TTBK2: variants seen among roughly 807,000 people sequenced by gnomAD.
TTBK2 encodes the protein tau tubulin kinase 2.
Under a neutral mutation model 110.8 loss-of-function variants are expected in TTBK2, and 28 were observed. The observed-to-expected ratio is 0.25, with a 90% confidence interval of 0.19 to 0.35. The LOEUF is 0.35. Among genes scored for constraint, TTBK2 ranks in the 10% least tolerant of loss-of-function variants. The pLI, the probability that TTBK2 is intolerant of heterozygous loss-of-function variation, is 1.00. For synonymous variants in TTBK2, 532 were observed against 527.3 expected (o/e 1.01, Z -0.12); for missense variants, 1,369 against 1,500.3 (o/e 0.91, Z 1.45).
At chr15:42,857,798 T>C (rs1216114111) in intron 3 of TTBK2, among the ~76,000 whole-genome samples, 3 of 151,994 alleles carry the variant, frequency 2.0e-5, no homozygotes, top group Non-Finnish European at 4.4e-5. Flanking sequence ...TACAAGTTAA[T>C]GGGGCCAGGC....
intron 1 of TTBK2, among the ~76,000 whole-genome samples, chr15:42,903,191 T>A (rs1277500402): frequency 6.6e-6 from 1 of 152,186 alleles, no homozygotes; most frequent in Non-Finnish European, 1.5e-5. Context: ...ATGAATATTA[T>A]ATGATTCCAC....
At chr15:42,785,411 G>A (rs1004948203) in intron 10 of TTBK2, among the ~76,000 whole-genome samples, 12 of 152,060 alleles carry the variant, frequency 7.9e-5, no homozygotes, top group African/African-American at 2.2e-4. Flanking sequence ...GTGAGCCATC[G>A]TGCCCGGCCA....
chr15:42,796,240 C>A (rs1890935109), intron 9 of TTBK2, among the ~76,000 whole-genome samples: 1 of 152,082 alleles, frequency 6.6e-6, no homozygotes, highest in South Asian at 2.1e-4. Flanking sequence ...TCTATCTCTA[C>A]TAAAAATACA....
At chr15:42,799,894 C>G (rs1417587550) in intron 9 of TTBK2, among the ~76,000 whole-genome samples, 4 of 151,972 alleles carry the variant, frequency 2.6e-5, no homozygotes, top group African/African-American at 9.7e-5. Flanking sequence ...TAATAAAAGT[C>G]AATTACAGCC....
intron 9 of TTBK2, among the ~76,000 whole-genome samples, chr15:42,795,287 T>G (rs530618429): frequency 1.3e-3 from 196 of 152,148 alleles, no homozygotes; most frequent in African/African-American, 4.6e-3. Context: ...TTTAAAAAAT[T>G]CTTAAAATAT....
rs1567008568 is a variant in TTBK2 at position 42,763,131 on chromosome 15, C to CACAT, written c.1999-9885_1999-9884insATGT. 2.2e-3 allele frequency among the ~76,000 whole-genome samples: 133 copies of CACAT among 59,798 alleles called. 3 individuals are homozygous for CACAT. Among genetic ancestry groups the CACAT allele is most frequent in the African/African-American group, 0.011 (128 of 11,774 alleles). The allele number at this position is 59,798 out of a possible 152,430, so 39.2% of individuals were successfully genotyped here. A position where few individuals can be genotyped will look rare whatever the true frequency, so the allele number is the denominator to read the frequency against. On this transcript the variant is annotated intron_variant, in intron 13 of 14. Transcript: ENST00000267890. ...ATATATATATATACACATATATATA[C>CACAT]ATATATACATACATATATATATATA...
chr15:42,766,763 C>T (rs1889401393), intron 13 of TTBK2, among the ~76,000 whole-genome samples: 1 of 152,162 alleles, frequency 6.6e-6, no homozygotes, highest in Admixed American at 6.5e-5. Context: ...GACTTGAACT[C>T]AGCTCTGCAC....
In TTBK2 at chr15:42,752,788, T is replaced by C. The variant is rs2061885963; in HGVS notation, c.2458A>G (p.Thr820Ala). 3 of 1,614,206 alleles carry C rather than the reference T, an allele frequency of 1.9e-6. No individual in the cohort carries two copies. Among genetic ancestry groups the C allele is most frequent in the Non-Finnish European group, 2.5e-6 (3 of 1,180,036 alleles). Residue 820 changes from threonine to alanine, a missense_variant, in exon 14 of 15, where the codon ACT (threonine) becomes GCT (alanine). Transcript: ENST00000267890. ...GTTTTTGTCACATCAAGAGGTTCAG[T>C]AGTAGCTGAGTGATCCTTTTCCACA... is the stretch of plus-strand genomic sequence containing the variant. Reference protein sequence around the residue: ...VIVEKDHSATTEPLDVTKTQT... With the variant: ...VIVEKDHSATAEPLDVTKTQT...
At chr15:42,802,976 C>T (rs1354235471) in intron 9 of TTBK2, among the ~76,000 whole-genome samples, 2 of 152,214 alleles carry the variant, frequency 1.3e-5, no homozygotes, top group African/African-American at 2.4e-5. Flanking sequence ...TGCTTCCTGT[C>T]CTCCAACATC....
intron 13 of TTBK2, among the ~76,000 whole-genome samples, chr15:42,758,952 C>G (rs2061984646): frequency 6.6e-6 from 1 of 152,188 alleles, no homozygotes; most frequent in African/African-American, 2.4e-5. Context: ...GCATTCCCAC[C>G]CACCCATGAG....
intron 9 of TTBK2, chr15:42,802,268 G>A (rs767167697): frequency 3.5e-5 from 28 of 799,382 alleles, no homozygotes; most frequent in South Asian, 2.5e-4. Context: ...AGGCCACCCC[G>A]GAAGCTGCTG....
At chr15:42,881,132 A>C (rs1895024012) in intron 1 of TTBK2, among the ~76,000 whole-genome samples, 1 of 151,738 alleles carries the variant, frequency 6.6e-6, no homozygotes, top group Non-Finnish European at 1.5e-5. Flanking sequence ...AAATACAAAA[A>C]TTAGGCAAGG....
chr15:42,916,909 T>C (rs144118873), intron 1 of TTBK2, among the ~76,000 whole-genome samples: 1 of 152,074 alleles, frequency 6.6e-6, no homozygotes, highest in East Asian at 1.9e-4. Flanking sequence ...TAAAAACATA[T>C]ATAATGGCAA....
Position 42,752,754 on chromosome 15 carries a change from A to G in TTBK2, c.2492T>C (p.Phe831Ser), listed in dbSNP as rs2061885164. ...TTTGTCTTGATTTGGCACCACACTA[A>G]AAGTCTGTGTTTTTGTCACATCAAG... is the stretch of plus-strand genomic sequence containing the variant. ...EPLDVTKTQT[F>S]SVVPNQDKNN... The change falls in exon 14 of 15, where the codon TTT (phenylalanine) becomes TCT (serine). Residue 831 changes from phenylalanine (F) to serine (S), a missense_variant. Around this residue, in one of 4 missense-constraint regions of TTBK2, gnomAD observed 1,097 missense variants for 1,114.7 expected, o/e 0.98. Transcript: ENST00000267890. 1 of 1,614,040 alleles carries G rather than the reference A, an allele frequency of 6.2e-7. No homozygotes were observed. The highest frequency in any genetic ancestry group is 1.3e-5 in the African/African-American group (1 of 74,916).
At chr15:42,801,223 C>T (rs1004812176) in intron 9 of TTBK2, 9 of 1,514,550 alleles carry the variant, frequency 5.9e-6, no homozygotes, top group South Asian at 4.7e-5. Context: ...CAGCTCTCCT[C>T]GCCCTCCAAC....
At chr15:42,833,643 C>T (rs1892866797) in intron 4 of TTBK2, among the ~76,000 whole-genome samples, 1 of 152,116 alleles carries the variant, frequency 6.6e-6, no homozygotes, top group African/African-American at 2.4e-5. Context: ...GAAGCCAAGG[C>T]AGGAGGATCA....
intron 4 of TTBK2, among the ~76,000 whole-genome samples, chr15:42,838,378 G>T (rs1023396805): frequency 6.6e-6 from 1 of 150,962 alleles, no homozygotes; most frequent in Non-Finnish European, 1.5e-5. Flanking sequence ...GTGTGTGTGT[G>T]TATGTGTGTG....
At chr15:42,879,032 A>T (rs528372128) in intron 1 of TTBK2, among the ~76,000 whole-genome samples, 33 of 152,320 alleles carry the variant, frequency 2.2e-4, no homozygotes, top group African/African-American at 7.7e-4. Context: ...AAGACATAGT[A>T]CCTAATTTAC....
chr15:42,784,682 C>T (rs1890332873), intron 10 of TTBK2, among the ~76,000 whole-genome samples: 1 of 152,170 alleles, frequency 6.6e-6, no homozygotes, highest in Non-Finnish European at 1.5e-5. Context: ...ATTTGGGAAG[C>T]AAGAATGACA....
Sources: gnomAD v4.1 joint callset for allele counts (sites outside exome capture counted in the v4.1 genomes callset) on GRCh38, gnomAD v4.1.1 for gene constraint, gnomAD v4.1.1 regional missense constraint, MANE v1.5 for transcripts, NCBI Gene and HGNC (gene_info 2026-07-23, HGNC 2026-07-21) for gene names.